Variants in RUSC1 observed in about 807,000 individuals in gnomAD.
The protein encoded by RUSC1 is RUN and SH3 domain containing 1.
Under a neutral mutation model 72.1 loss-of-function variants are expected in RUSC1, and 40 were observed. The ratio of observed to expected loss-of-function variants is 0.55; its 90% confidence interval spans 0.43 to 0.72. The LOEUF is 0.72. RUSC1 is among the 30% of genes least tolerant of loss of function. RUSC1 has a pLI of 0.00. For missense variants in RUSC1, 1,092 were observed against 1,172.3 expected, an observed-to-expected ratio of 0.93 and a Z score of 1.00; for synonymous variants, 512 against 494.2, an observed-to-expected ratio of 1.04 and a Z score of -0.48.
In RUSC1 at chr1:155,325,334, C is replaced by G; in HGVS notation, c.1552C>G (p.Arg518Gly). 6.2e-7 allele frequency: 1 copy of G among 1,600,598 alleles called. No individual in the cohort carries two copies. Among genetic ancestry groups the G allele is most frequent in the African/African-American group, 1.3e-5 (1 of 74,968 alleles). Residue 518 changes from arginine to glycine, a missense_variant, in exon 5 of 10, where the codon CGG becomes GGG. Physicochemically the swap from Arg to Gly is moderately radical, Grantham distance 125. Transcript: ENST00000368352. This position sits in a 1 kb window ranked among gnomAD's most constrained non-coding sequence, Gnocchi z 6.5. ...LVQKAQLGDS[R>G]LSPDVGHLVL... ...CCTCCAGGCCCAGTTGGGTGATAGC[C>G]GGCTGAGCCCGGATGTGGGGCACCT... is the stretch of plus-strand genomic sequence containing the variant.
chr1:155,330,332 A>G, intron 9 of RUSC1, 71 bp from the exon 10 acceptor site: 1 of 1,515,168 alleles, frequency 6.6e-7, no homozygotes, highest in Non-Finnish European at 9.1e-7. Context: ...GGCACTCTAG[A>G]GGTGACGCCT....
Position 155,325,197 on chromosome 1 carries a change from A to T in RUSC1, c.1533+19A>T. 2 of 1,613,368 alleles carry T rather than the reference A, an allele frequency of 1.2e-6. No homozygotes were observed. Among genetic ancestry groups the T allele is most frequent in the Non-Finnish European group, 8.5e-7 (1 of 1,179,876 alleles). ...GCAGAAGGTGAAGGTGGCTGGGGGG[A>T]GGCTGTTGGGATGAGGAGAGTAATG... On this transcript the variant is annotated intron_variant, in intron 4 of 9. Coordinates refer to ENST00000368352, the MANE Select transcript of RUSC1 (RefSeq NM_001105203.2). This position sits in a 1 kb window ranked among gnomAD's most constrained non-coding sequence, Gnocchi z 6.5.
intron 2 of RUSC1, chr1:155,324,418 A>G: frequency 6.2e-7 from 1 of 1,612,950 alleles, no homozygotes; most frequent in Non-Finnish European, 8.5e-7. Flanking sequence ...CCATTGGTCC[A>G]TGCCGCCCAC....
chr1:155,327,060 G>T lies in RUSC1; in HGVS notation c.2342G>T (p.Gly781Val). Reference sequence around the variant, plus strand: ...ACAGATGAGATGGCACCAGGCAGGGGCCTCTGGTTGGGAAGACTATTTGGA... The same window carrying T: ...ACAGATGAGATGGCACCAGGCAGGGTCCTCTGGTTGGGAAGACTATTTGGA... ...LPTDEMAPGRGLWLGRLFGVP... is the reference protein window; with the variant it reads ...LPTDEMAPGRVLWLGRLFGVP... Residue 781 changes from glycine to valine, a missense_variant, in exon 8 of 10, where the codon GGC (glycine) becomes GTC (valine). Physicochemically the swap from Gly to Val is moderately radical, Grantham distance 109. Transcript: ENST00000368352. The T allele has an allele frequency of 6.2e-7, 1 of 1,613,394 alleles. No individual in the cohort carries two copies. Among genetic ancestry groups the T allele is most frequent in the South Asian group, 1.1e-5 (1 of 91,088 alleles).
In RUSC1 at chr1:155,325,142, C is replaced by G. The variant is rs376024390; in HGVS notation, c.1497C>G (p.Ile499Met). 18 of 1,614,264 alleles carry G rather than the reference C, an allele frequency of 1.1e-5. No individual in the cohort carries two copies. Among genetic ancestry groups the G allele is most frequent in the Admixed American group, 8.3e-5 (5 of 60,032 alleles). ...TCAGCGTCTCCGTTGATAAAATCAT[C>G]TCGCATTTCGGGGCCGCCCGGAACT... is the stretch of plus-strand genomic sequence containing the variant. ...IAVSVSVDKI[I>M]SHFGAARNLV... Residue 499 changes from isoleucine to methionine, a missense_variant, in exon 4 of 10, where the codon ATC becomes ATG. By Grantham distance (10) the Ile-to-Met change is conservative (BLOSUM62 1). Transcript: ENST00000368352. This position sits in a 1 kb window ranked among gnomAD's most constrained non-coding sequence, Gnocchi z 6.5.
chr1:155,324,352 T>C, intron 2 of RUSC1: 2 of 1,604,952 alleles, frequency 1.2e-6, no homozygotes, highest in East Asian at 2.2e-5. Context: ...CCTTCCAGCC[T>C]CCCAATCCTC....
Position 155,324,903 on chromosome 1 carries a change from A to G in RUSC1, c.1416A>G (p.Glu472=), listed in dbSNP as rs767597338. Residue 472 remains glutamate, a synonymous_variant, in exon 3 of 10, where the codon GAA becomes GAG. Transcript: ENST00000368352. ...GAGCCCAGCGGCTGTGGATGGCAGA[A>G]GCCCAGAGTGGGACTGGTCAGCTGC... ...VPGAQRLWMA[E]AQSGTGQLQE... 1 of 1,614,232 alleles carries G rather than the reference A, an allele frequency of 6.2e-7. No homozygotes were observed. Among genetic ancestry groups the G allele is most frequent in the East Asian group, 2.2e-5 (1 of 44,882 alleles).
At position 155,322,190 on chromosome 1, in the gene RUSC1, C is replaced by G. The variant is rs750153425; in HGVS notation, c.417C>G (p.Ile139Met). ...ATGCCCACCCTCAGCCCAGTATCAT[C>G]CCCCTGGAGCAGGGCTCCCCACTGG... is the stretch of plus-strand genomic sequence containing the variant. Reference protein sequence around the residue: ...DEDAHPQPSIIPLEQGSPLAS... With the variant: ...DEDAHPQPSIMPLEQGSPLAS... The change falls in exon 2 of 10, where the codon ATC (isoleucine) becomes ATG (methionine). Residue 139 changes from isoleucine to methionine, a missense_variant. Physicochemically the swap from Ile to Met is conservative, Grantham distance 10. Coordinates refer to ENST00000368352, the MANE Select transcript of RUSC1 (RefSeq NM_001105203.2). The G allele has an allele frequency of 6.2e-7, 1 of 1,606,140 alleles. No homozygotes were observed. The highest frequency in any genetic ancestry group is 8.5e-7 in the Non-Finnish European group (1 of 1,175,150).
rs780415298 is a variant in RUSC1 at position 155,322,399 on chromosome 1, C to T, written c.626C>T (p.Thr209Ile). The change falls in exon 2 of 10, where the codon ACC becomes ATC. Residue 209 changes from threonine (T) to isoleucine (I), a missense_variant. Transcript: ENST00000368352. ...EDERAEQDLP[T>I]SELLEADDGK... Reference sequence around the variant, plus strand: ...GAGAGGGCGGAGCAGGATCTCCCTACCTCTGAGCTCTTAGAGGCGGATGAT... The same window carrying T: ...GAGAGGGCGGAGCAGGATCTCCCTATCTCTGAGCTCTTAGAGGCGGATGAT... 1.9e-6 allele frequency: 3 copies of T among 1,614,064 alleles called. No individual in the cohort carries two copies. Among genetic ancestry groups the T allele is most frequent in the African/African-American group, 2.7e-5 (2 of 74,922 alleles).
rs1350477242 is a variant in RUSC1 at position 155,327,103 on chromosome 1, A to G, written c.2385A>G (p.Ala795=). ...TATTTGGAGTGCCTGGGGGCCCCGC[A>G]GAAAATGAGAATGGAGCCCTAAAGT... is the stretch of plus-strand genomic sequence containing the variant. The part of the protein sequence containing the change: ...GRLFGVPGGP[A]ENENGALKSR... The change falls in exon 8 of 10, where the codon GCA becomes GCG. Residue 795 remains alanine, a synonymous_variant. Coordinates refer to ENST00000368352, the MANE Select transcript of RUSC1 (RefSeq NM_001105203.2). 6.2e-7 allele frequency: 1 copy of G among 1,606,950 alleles called. No homozygotes were observed. Among genetic ancestry groups the G allele is most frequent in the East Asian group, 2.2e-5 (1 of 44,704 alleles).
At position 155,323,103 on chromosome 1, in the gene RUSC1, G is replaced by A. The variant is rs774306333; in HGVS notation, c.1330G>A (p.Glu444Lys). 409 of 1,424,506 alleles carry A rather than the reference G, an allele frequency of 2.9e-4. No individual in the cohort carries two copies. Among genetic ancestry groups the A allele is most frequent in the Non-Finnish European group, 3.4e-4 (368 of 1,094,058 alleles). The allele number at this position is 1,424,506 out of a possible 1,614,324, so 88.2% of individuals were successfully genotyped here. A position where few individuals can be genotyped will look rare whatever the true frequency, so the allele number is the denominator to read the frequency against. ...AAGEEAPAAK[E>K]PGAQAGLEVR... ...TGGCGAGGAGGCCCCAGCCGCGAAG[G>A]AGCCGGGCGCGCAGGCCGGCCTGGA... The change falls in exon 2 of 10, where the codon GAG becomes AAG. Residue 444 changes from glutamate (E) to lysine (K), a missense_variant. Glu to Lys is a moderately conservative substitution (Grantham distance 56, BLOSUM62 1). Transcript: ENST00000368352.
Position 155,326,512 on chromosome 1 carries a change from G to C in RUSC1, c.1862-68G>C. The C allele has an allele frequency of 6.8e-7, 1 of 1,476,256 alleles. No homozygotes were observed. The highest frequency in any genetic ancestry group is 1.3e-5 in the South Asian group (1 of 79,268). 91.4% of individuals were successfully genotyped at this position (1,476,256 alleles called of 1,614,324 possible). On this transcript the variant is annotated intron_variant, in intron 7 of 9. Transcript: ENST00000368352. This position sits in a 1 kb window ranked among gnomAD's most constrained non-coding sequence, Gnocchi z 4.7. ...CTGGGAAGATGTGTGCTGACTGGTG[G>C]GCTGCTCTGGGGGGTCTTCTGGGAC...
At chr1:155,324,545 G>A in intron 2 of RUSC1, 3 of 1,590,296 alleles carry the variant, frequency 1.9e-6, no homozygotes, top group Non-Finnish European at 2.6e-6. Flanking sequence ...CAGGCGGGAG[G>A]TGAGCGCGGC....
At chr1:155,323,911 C>T (rs1251496444) in intron 2 of RUSC1, 1 of 988,254 alleles carries the variant, frequency 1.0e-6, no homozygotes, top group Non-Finnish European at 1.2e-6. Flanking sequence ...CGGGGTTGCC[C>T]AGCTTAGTCC....
chr1:155,325,952 G>A lies in RUSC1; in HGVS notation c.1861+42G>A, dbSNP rs1651353866. The A allele has an allele frequency of 4.4e-6, 7 of 1,602,022 alleles. No homozygotes were observed. Among genetic ancestry groups the A allele is most frequent in the Non-Finnish European group, 5.1e-6 (6 of 1,169,018 alleles). On this transcript the variant is annotated intron_variant, in intron 7 of 9. Coordinates refer to ENST00000368352, the MANE Select transcript of RUSC1 (RefSeq NM_001105203.2). This position sits in a 1 kb window ranked among gnomAD's most constrained non-coding sequence, Gnocchi z 6.5. ...GTAGAGGATGGGGCTGATGGGCTGG[G>A]AGGATGGGAAGGAAAGAGTTCTCTC...
Position 155,322,371 on chromosome 1 carries a change from G to T in RUSC1, c.598G>T (p.Asp200Tyr). The T allele has an allele frequency of 6.2e-7, 1 of 1,614,098 alleles. No individual in the cohort carries two copies. The highest frequency in any genetic ancestry group is 1.1e-5 in the South Asian group (1 of 91,090). ...DVPSPGLEEE[D>Y]ERAEQDLPTS... ...CCCTTCCCCAGGCTTGGAGGAAGAG[G>T]ACGAGAGGGCGGAGCAGGATCTCCC... The change falls in exon 2 of 10, where the codon GAC becomes TAC. Residue 200 changes from aspartate to tyrosine, a missense_variant. By Grantham distance (160) the Asp-to-Tyr change is radical. Transcript: ENST00000368352.
chr1:155,325,381 G>C lies in RUSC1; in HGVS notation c.1599G>C (p.Pro533=). The C allele has an allele frequency of 6.3e-7, 1 of 1,594,544 alleles. No individual in the cohort carries two copies. The highest frequency in any genetic ancestry group is 8.5e-7 in the Non-Finnish European group (1 of 1,174,648). Residue 533 remains proline (P), a synonymous_variant, in exon 5 of 10, where the codon CCG becomes CCC. Transcript: ENST00000368352. The surrounding 1 kb of genome is among the most constrained non-coding windows in gnomAD (Gnocchi z 6.5). The part of the protein sequence containing the change: ...VGHLVLTTLC[P]ALHALVADGL... ...ACCTGGTGCTGACCACCCTCTGCCC[G>C]GCCCTCCACGCCCTGGTGGCGGACG...
intron 2 of RUSC1, chr1:155,324,499 G>C (rs774990495): frequency 1.2e-6 from 2 of 1,605,900 alleles, no homozygotes; most frequent in South Asian, 1.1e-5. Context: ...CCCTCCCCGC[G>C]CCCCGTCCTC....
At position 155,325,226 on chromosome 1, in the gene RUSC1, C is replaced by A. The variant is rs758138761; in HGVS notation, c.1533+48C>A. 43 of 1,613,422 alleles carry A rather than the reference C, an allele frequency of 2.7e-5. No individual in the cohort carries two copies. Among genetic ancestry groups the A allele is most frequent in the Non-Finnish European group, 3.1e-5 (37 of 1,179,994 alleles). On this transcript the variant is annotated intron_variant, in intron 4 of 9. Coordinates refer to ENST00000368352, the MANE Select transcript of RUSC1 (RefSeq NM_001105203.2). The surrounding 1 kb of genome is among the most constrained non-coding windows in gnomAD (Gnocchi z 6.5). ...TGTTGGGATGAGGAGAGTAATGGAG[C>A]TCCGCGGGGGGTGCGGGAATGGTTG...
Sources: gnomAD v4.1 joint callset for allele counts on GRCh38, gnomAD v4.1.1 for gene constraint, Gnocchi (gnomAD v3.1) non-coding constraint, MANE v1.5 for transcripts, NCBI Gene and HGNC (gene_info 2026-07-23, HGNC 2026-07-21) for gene names.